Variants in SCARB2 observed in about 807,000 individuals in gnomAD.
SCARB2 encodes the protein lysosome membrane protein 2.
Under a neutral mutation model 58.6 loss-of-function variants are expected in SCARB2, and 29 were observed. That is an observed-to-expected ratio of 0.49 (90% CI 0.37 to 0.67). The LOEUF (loss-of-function observed/expected upper bound fraction) is 0.67. SCARB2 is among the 30% of genes least tolerant of loss of function. The pLI, the probability that SCARB2 is intolerant of heterozygous loss-of-function variation, is 0.00. For synonymous variants in SCARB2, 195 were observed against 210.1 expected (o/e 0.93, Z 0.62); for missense variants, 488 against 578.5 (o/e 0.84, Z 1.60).
chr4:76,213,962 G>A, upstream of SCARB2: 1 of 175,700 alleles, frequency 5.7e-6, no homozygotes, highest in Non-Finnish European at 1.2e-5. Context: ...CAGTGATTCG[G>A]CCCGCGCCCT....
At chr4:76,176,771 A>C in intron 4 of SCARB2, 1 of 409,536 alleles carries the variant, frequency 2.4e-6, no homozygotes, top group Non-Finnish European at 4.4e-6. Flanking sequence ...TTCTTAGAGG[A>C]GGAATTCTCC....
At chr4:76,207,927 T>C (rs1407227944) in intron 1 of SCARB2, among the ~76,000 whole-genome samples, 1 of 152,214 alleles carries the variant, frequency 6.6e-6, no homozygotes, top group Admixed American at 6.5e-5. Flanking sequence ...TAATTATAAG[T>C]AGTAATCTCC....
At chr4:76,216,325 A>T (rs896731175), upstream of SCARB2, among the ~76,000 whole-genome samples, 2 of 152,076 alleles carry the variant, frequency 1.3e-5, no homozygotes, top group Admixed American at 6.6e-5. Context: ...AGAAAAAAAA[A>T]TTTGGTAACT....
intron 8 of SCARB2, among the ~76,000 whole-genome samples, chr4:76,169,252 A>G (rs548498848): frequency 6.6e-6 from 1 of 152,146 alleles, no homozygotes; most frequent in East Asian, 1.9e-4. Context: ...AATTCCAAAA[A>G]TGAAGACATG....
intron 2 of SCARB2, among the ~76,000 whole-genome samples, chr4:76,181,587 T>C (rs988479032): frequency 6.6e-6 from 1 of 152,146 alleles, no homozygotes; most frequent in Admixed American, 6.5e-5. Flanking sequence ...TTTTTTGAGA[T>C]AGGGTCTCGC....
intron 2 of SCARB2, among the ~76,000 whole-genome samples, chr4:76,190,008 ACTTT>A (rs553883502): frequency 0.024 from 3,448 of 145,394 alleles, 117 homozygotes; most frequent in African/African-American, 0.084. Flanking sequence ...TATACTTGAC[ACTTT>A]TTTTTTTTTT....
intron 1 of SCARB2, among the ~76,000 whole-genome samples, chr4:76,201,458 A>C (rs889290617): frequency 2.0e-5 from 3 of 152,222 alleles, no homozygotes; most frequent in African/African-American, 7.2e-5. Context: ...TTAATGAAGA[A>C]ACAGATGATA....
intron 10 of SCARB2, 23 bp downstream of exon 10, chr4:76,166,227 G>A (rs750562389): frequency 6.2e-7 from 1 of 1,612,902 alleles, no homozygotes; most frequent in Non-Finnish European, 8.5e-7. Context: ...AACACCCGTG[G>A]CTCCCTCCGT....
At chr4:76,207,887 T>G (rs919384802) in intron 1 of SCARB2, among the ~76,000 whole-genome samples, 1 of 152,210 alleles carries the variant, frequency 6.6e-6, no homozygotes, top group Non-Finnish European at 1.5e-5. Context: ...CAAATAATAT[T>G]TCCTTTAATG....
intron 1 of SCARB2, among the ~76,000 whole-genome samples, chr4:76,210,061 T>C (rs1294704631): frequency 1.3e-5 from 2 of 152,218 alleles, no homozygotes; most frequent in African/African-American, 4.8e-5. Context: ...AGAGGAACCA[T>C]AGCTTGTATA....
upstream of SCARB2, chr4:76,214,123 A>G: frequency 4.8e-6 from 2 of 417,396 alleles, no homozygotes; most frequent in East Asian, 7.2e-5. Context: ...TTCCGCAGAT[A>G]GGTCTGAGGG....
chr4:76,231,395 A>T (rs919032992), intron 1 of SCARB2, among the ~76,000 whole-genome samples: 2 of 152,208 alleles, frequency 1.3e-5, no homozygotes. Flanking sequence ...CGGTTGGTTC[A>T]CAGGAACAAG....
intron 1 of SCARB2, among the ~76,000 whole-genome samples, chr4:76,199,759 G>A (rs1310246093): frequency 6.6e-6 from 1 of 152,156 alleles, no homozygotes; most frequent in Admixed American, 6.5e-5. Flanking sequence ...AGCTGCGTGA[G>A]GTCACTGTCA....
chr4:76,191,099 G>A (rs772545666), intron 2 of SCARB2, among the ~76,000 whole-genome samples: 1 of 152,022 alleles, frequency 6.6e-6, no homozygotes, highest in African/African-American at 2.4e-5. Flanking sequence ...ACAAACAATG[G>A]GACACTTAGA....
rs770667133 is a variant in SCARB2, at chr4:76,213,581, G to T, written c.-38C>A. ...TCACGGGCCGGGCCGGGCCGCACCCGCCAGGGATCCAACTGCAAGGAGGGA... is the reference window on the plus strand; with the variant it reads ...TCACGGGCCGGGCCGGGCCGCACCCTCCAGGGATCCAACTGCAAGGAGGGA... On this transcript the variant is annotated 5_prime_UTR_variant, in exon 1 of 12. Transcript: ENST00000264896. 6.4e-7 allele frequency: 1 copy of T among 1,554,348 alleles called. No individual in the cohort carries two copies. The highest frequency in any genetic ancestry group is 8.8e-7 in the Non-Finnish European group (1 of 1,131,032).
At position 76,159,879 on chromosome 4, in the gene SCARB2, A is replaced by G. The variant is rs1055214190; in HGVS notation, c.*1834T>C. ...ATATCCTGATAATAGGACTAAACCA[A>G]TAAGTATGCACTAGCATTGTCAATT... is the stretch of plus-strand genomic sequence containing the variant. On this transcript the variant is annotated 3_prime_UTR_variant, in exon 12 of 12. Transcript: ENST00000264896. 8 of 152,364 alleles carry G rather than the reference A, an allele frequency of 5.3e-5. No homozygotes were observed. Among genetic ancestry groups the G allele is most frequent in the Middle Eastern group, 6.8e-3 (2 of 294 alleles). 9.4% of individuals were successfully genotyped at this position (152,364 alleles called of 1,614,324 possible). A position where few individuals can be genotyped will look rare whatever the true frequency, so the allele number is the denominator to read the frequency against.
chr4:76,179,884 T>A, intron 3 of SCARB2, 179 bp from the exon 4 acceptor site: 1 of 671,578 alleles, frequency 1.5e-6, no homozygotes, highest in Non-Finnish European at 2.7e-6. Context: ...AAGCCTCTTC[T>A]CTGTCCTTTC....
chr4:76,225,121 C>T (rs970758248), intron 1 of SCARB2, among the ~76,000 whole-genome samples: 2 of 152,134 alleles, frequency 1.3e-5, no homozygotes, highest in African/African-American at 4.8e-5. Context: ...TATTATTTTG[C>T]TCCTTTTTAT....
In SCARB2 at chr4:76,162,219, T is replaced by C. The variant is rs182461299; in HGVS notation, c.1399-468A>G. 14 of 170,066 alleles carry C rather than the reference T, an allele frequency of 8.2e-5. No individual in the cohort carries two copies. In the East Asian group the frequency reaches 1.9e-3, roughly 23 times the overall value. 10.5% of individuals were successfully genotyped at this position (170,066 alleles called of 1,614,324 possible). A position where few individuals can be genotyped will look rare whatever the true frequency, so the allele number is the denominator to read the frequency against. On this transcript the variant is annotated intron_variant, in intron 11 of 11. Transcript: ENST00000264896. ...AAAGTCACACTGGAAGATCCACACA[T>C]AGAAATGGCAAAATAGTTTGCCTCA...
Sources: allele counts gnomAD v4.1 joint callset (sites outside exome capture counted in the v4.1 genomes callset), GRCh38; gene constraint gnomAD v4.1.1; transcripts MANE v1.5; gene names NCBI Gene and HGNC (gene_info 2026-07-23, HGNC 2026-07-21).